Variants in RALB observed in about 807,000 individuals in gnomAD.
RALB encodes the protein ras-related protein Ral-B.
A neutral mutation model predicts 21.3 loss-of-function variants in RALB; 16 were observed. The ratio of observed to expected loss-of-function variants is 0.75; its 90% confidence interval spans 0.51 to 1.14. The LOEUF (loss-of-function observed/expected upper bound fraction) is 1.14. Ranked by LOEUF, RALB falls within the 50% of genes most tolerant of loss-of-function variation. The probability of loss-of-function intolerance (pLI) is 0.00; values close to 1 mark genes in which losing one functional copy is unlikely to be tolerated. For synonymous variants in RALB, 93 were observed against 96.1 expected, an observed-to-expected ratio of 0.97 and a Z score of 0.19; for missense variants, 161 against 256.2, an observed-to-expected ratio of 0.63 and a Z score of 2.54.
At chr2:120,271,610 T>C (rs1308065219) in intron 1 of RALB, among the ~76,000 whole-genome samples, 1 of 152,222 alleles carries the variant, frequency 6.6e-6, no homozygotes, top group Non-Finnish European at 1.5e-5. Context: ...CCCCATCCCA[T>C]ACCTTATGCT....
chr2:120,242,870 G>A (rs1254409415), intron 1 of RALB, among the ~76,000 whole-genome samples: 1 of 152,174 alleles, frequency 6.6e-6, no homozygotes, highest in African/African-American at 2.4e-5. Flanking sequence ...GAGGCCATGA[G>A]TTCGAGACTA....
intron 3 of RALB, among the ~76,000 whole-genome samples, chr2:120,287,790 A>G (rs1690203465): frequency 6.6e-6 from 1 of 152,250 alleles, no homozygotes; most frequent in Admixed American, 6.5e-5. Flanking sequence ...AAGAAAAAGG[A>G]CAGATGAATA....
At chr2:120,257,126 C>G (rs1326308072) in intron 1 of RALB, among the ~76,000 whole-genome samples, 1 of 152,106 alleles carries the variant, frequency 6.6e-6, no homozygotes, top group Admixed American at 6.5e-5. Context: ...TTCTTTAACC[C>G]CAAAACAAGT....
chr2:120,250,299 G>A (rs574413529), upstream of RALB, among the ~76,000 whole-genome samples: 11 of 152,324 alleles, frequency 7.2e-5, no homozygotes, highest in African/African-American at 2.4e-4. Context: ...TAGGGGGCCT[G>A]TGCTCATTGT....
At position 120,290,830 on chromosome 2, in the gene RALB, G is replaced by T. The variant is rs147467984; in HGVS notation, c.501+1073G>T. On this transcript the variant is annotated intron_variant, in intron 4 of 4. Coordinates refer to ENST00000272519, the MANE Select transcript of RALB (RefSeq NM_002881.3). ...GTTGCCACACAGCTAAAATTTTAAC[G>T]CTGTGCCTTAAAGATGAGGCTTTCT... 7.9e-5 allele frequency among the ~76,000 whole-genome samples: 12 copies of T among 152,130 alleles called. No homozygotes were observed. The East Asian group carries it at 2.3e-3, about 29-fold the overall frequency.
chr2:120,259,082 G>C (rs1231743515), intron 1 of RALB, among the ~76,000 whole-genome samples: 1 of 152,204 alleles, frequency 6.6e-6, no homozygotes, highest in Non-Finnish European at 1.5e-5. Flanking sequence ...CTGGGCTCGG[G>C]AGTGAAGCTG....
intron 1 of RALB, among the ~76,000 whole-genome samples, chr2:120,258,870 C>T (rs368423382): frequency 7.9e-5 from 12 of 152,272 alleles, no homozygotes; most frequent in South Asian, 2.1e-4. Flanking sequence ...CGGACCCTCG[C>T]GGTGAGTGTT....
chr2:120,249,636 G>A (rs1038031348), upstream of RALB, among the ~76,000 whole-genome samples: 1 of 152,166 alleles, frequency 6.6e-6, no homozygotes, highest in African/African-American at 2.4e-5. Flanking sequence ...GTAGCACTAA[G>A]CCATTCATGA....
In RALB at chr2:120,277,759, GTA is replaced by G. The variant is rs552162889; in HGVS notation, c.-47-857_-47-856del. On this transcript the variant is annotated intron_variant, in intron 1 of 4. Coordinates refer to ENST00000272519, the MANE Select transcript of RALB (RefSeq NM_002881.3). Reference sequence around the variant, plus strand: ...TGAGCTTGTGTGTGAATGTGAGCATGTATGACAGCGTGTGCTAGCATGTGTGA... The same window carrying G: ...TGAGCTTGTGTGTGAATGTGAGCATGTGACAGCGTGTGCTAGCATGTGTGA... Among the ~76,000 whole-genome samples, 39 of 151,828 alleles carry G rather than the reference GTA, an allele frequency of 2.6e-4. No individual in the cohort carries two copies. The East Asian group carries it at 7.6e-3, about 30-fold the overall frequency.
At chr2:120,254,914 C>G in intron 1 of RALB, among the ~76,000 whole-genome samples, 1 of 152,152 alleles carries the variant, frequency 6.6e-6, no homozygotes, top group East Asian at 1.9e-4. Context: ...GGGCTCAAGC[C>G]ATCCTACCAC....
intron 1 of RALB, among the ~76,000 whole-genome samples, chr2:120,240,458 TTC>T (rs1342170156): frequency 1.3e-5 from 2 of 151,620 alleles, no homozygotes; most frequent in African/African-American, 4.9e-5. Flanking sequence ...CTATTTTTTT[TTC>T]TTTTTTGTAT....
chr2:120,293,059 C>A, intron 4 of RALB, 82 bp from the exon 5 acceptor site: 1 of 1,359,574 alleles, frequency 7.4e-7, no homozygotes. Context: ...GCTGTGTTCA[C>A]AGTGTCAGGT....
intron 1 of RALB, among the ~76,000 whole-genome samples, chr2:120,260,536 C>T (rs1436091783): frequency 1.3e-5 from 2 of 152,204 alleles, no homozygotes; most frequent in Non-Finnish European, 2.9e-5. Context: ...GTATGTGGTG[C>T]AGATGAGGAG....
chr2:120,259,029 G>A lies in RALB; in HGVS notation c.-48+6049G>A, dbSNP rs560478395. ...TGAGTGTTACAGCTCTTAAGGTAGC[G>A]CGTCTGGAGTTGTTCGTTCCTCCCG... On this transcript the variant is annotated intron_variant, in intron 1 of 4. Coordinates refer to ENST00000272519, the MANE Select transcript of RALB (RefSeq NM_002881.3). Among the ~76,000 whole-genome samples, 23 of 152,128 alleles carry A rather than the reference G, an allele frequency of 1.5e-4. No homozygotes were observed. The South Asian group carries it at 4.2e-3, about 28-fold the overall frequency.
intron 1 of RALB, among the ~76,000 whole-genome samples, chr2:120,246,984 A>G (rs1305688130): frequency 6.6e-6 from 1 of 152,248 alleles, no homozygotes; most frequent in Non-Finnish European, 1.5e-5. Flanking sequence ...CACTTTGGAA[A>G]GAGCTCAGCG....
At chr2:120,273,789 T>C (rs1295779759) in intron 1 of RALB, among the ~76,000 whole-genome samples, 1 of 152,226 alleles carries the variant, frequency 6.6e-6, no homozygotes. Context: ...GGTTGCTGTT[T>C]CTAGGATTGG....
At chr2:120,275,858 G>A (rs761138190) in intron 1 of RALB, among the ~76,000 whole-genome samples, 6 of 152,170 alleles carry the variant, frequency 3.9e-5, no homozygotes, top group Non-Finnish European at 7.3e-5. Flanking sequence ...TTGAATAGGA[G>A]AAAGAAAGAG....
intron 1 of RALB, among the ~76,000 whole-genome samples, chr2:120,277,818 CAAGT>C (rs1341389813): frequency 6.8e-6 from 1 of 147,224 alleles, no homozygotes; most frequent in Non-Finnish European, 1.5e-5. Flanking sequence ...CGTGTGAGAG[CAAGT>C]GTGTGAATAT....
In RALB at chr2:120,268,578, T is replaced by G. The variant is rs144007607; in HGVS notation, c.-47-10040T>G. Among the ~76,000 whole-genome samples the G allele has an allele frequency of 6.1e-4, 93 of 152,182 alleles. No individual in the cohort carries two copies. In the East Asian group the frequency reaches 0.014, roughly 22 times the overall value. ...AGAGGGCCCAGGACGGGAGTGTGTG[T>G]GGGGGGTGTTGCTTGAGCCCAAGAT... On this transcript the variant is annotated intron_variant, in intron 1 of 4. Coordinates refer to ENST00000272519, the MANE Select transcript of RALB (RefSeq NM_002881.3).
Sources: gnomAD v4.1 joint callset for allele counts (sites outside exome capture counted in the v4.1 genomes callset) on GRCh38, gnomAD v4.1.1 for gene constraint, MANE v1.5 for transcripts, NCBI Gene and HGNC (gene_info 2026-07-23, HGNC 2026-07-21) for gene names.